NCAM1: variants seen among roughly 807,000 people sequenced by gnomAD.
NCAM1 encodes the protein neural cell adhesion molecule 1.
In NCAM1, 14 loss-of-function variants were observed where a neutral mutation model predicts 109.8. That is an observed-to-expected ratio of 0.13 (90% CI 0.08 to 0.20). The LOEUF (loss-of-function observed/expected upper bound fraction) is 0.20. NCAM1 is among the 10% of genes least tolerant of loss of function. The pLI, the probability that NCAM1 is intolerant of heterozygous loss-of-function variation, is 1.00. For synonymous variants in NCAM1, 418 were observed against 442.9 expected, an observed-to-expected ratio of 0.94 and a Z score of 0.70; for missense variants, 774 against 1,109.9, an observed-to-expected ratio of 0.70 and a Z score of 4.30.
At chr11:113,076,162 C>G (rs926200668) in intron 1 of NCAM1, among the ~76,000 whole-genome samples, 1 of 84,980 alleles carries the variant, frequency 1.2e-5, no homozygotes, top group Non-Finnish European at 2.2e-5. Context: ...AACTCAGTGT[C>G]CCTGGTCAGA....
chr11:113,260,132 G>T lies in NCAM1; in HGVS notation c.1954-14G>T. ...TTGGTCTCTTGTATCCTTCTTGCCG[G>T]TTTCTCCCAGAAGCTCTCCTCCGAG... On this transcript the variant is annotated splice_polypyrimidine_tract_variant and intron_variant, in intron 16 of 19. Coordinates refer to ENST00000316851, the MANE Select transcript of NCAM1 (RefSeq NM_181351.5). 6.2e-7 allele frequency: 1 copy of T among 1,602,512 alleles called. No individual in the cohort carries two copies. The highest frequency in any genetic ancestry group is 8.5e-7 in the Non-Finnish European group (1 of 1,176,144).
At position 112,994,843 on chromosome 11, in the gene NCAM1, CTTTG is replaced by C. The variant is rs1400740229; in HGVS notation, c.52+33185_52+33188del. 3.9e-5 allele frequency among the ~76,000 whole-genome samples: 6 copies of C among 152,094 alleles called. No individual in the cohort carries two copies. In the East Asian group the frequency reaches 9.6e-4, roughly 24 times the overall value. ...CCTGCTTTTGTAGAAATCTTGTAATCTTTGTTTGTCAATGGTTCTTCTTCCATTC... is the reference window on the plus strand; with the variant it reads ...CCTGCTTTTGTAGAAATCTTGTAATCTTTGTCAATGGTTCTTCTTCCATTC... On this transcript the variant is annotated intron_variant, in intron 1 of 19. Coordinates refer to ENST00000316851, the MANE Select transcript of NCAM1 (RefSeq NM_181351.5).
chr11:113,179,619 ACTGT>A (rs1943268995), intron 1 of NCAM1, among the ~76,000 whole-genome samples: 1 of 152,142 alleles, frequency 6.6e-6, no homozygotes, highest in Non-Finnish European at 1.5e-5. Context: ...ACACTGCCAG[ACTGT>A]CTTTGTGTGC....
At chr11:113,088,562 A>G (rs1347943935) in intron 1 of NCAM1, among the ~76,000 whole-genome samples, 1 of 151,996 alleles carries the variant, frequency 6.6e-6, no homozygotes, top group Non-Finnish European at 1.5e-5. Flanking sequence ...ATCATTGGGT[A>G]AAACACTAGT....
In NCAM1 at chr11:112,961,560, G is replaced by GT. The variant is rs782517564; in HGVS notation, c.-53_-52insT. ...CGCCGTCCACACTCGCTGCAGGGGG[G>GT]GGGGCACAGAATTTACCGCGGCAAG... On this transcript the variant is annotated 5_prime_UTR_variant, in exon 1 of 20. Coordinates refer to ENST00000316851, the MANE Select transcript of NCAM1 (RefSeq NM_181351.5). 2.1e-5 allele frequency: 24 copies of GT among 1,144,658 alleles called. No homozygotes were observed. Among genetic ancestry groups the GT allele is most frequent in the East Asian group, 9.4e-5 (4 of 42,700 alleles). 70.9% of individuals were successfully genotyped at this position (1,144,658 alleles called of 1,614,324 possible).
intron 17 of NCAM1, among the ~76,000 whole-genome samples, chr11:113,268,655 G>C (rs986814178): frequency 6.6e-6 from 1 of 152,160 alleles, no homozygotes; most frequent in Admixed American, 6.5e-5. Context: ...GAGACCCCTG[G>C]GGCACACAGA....
At chr11:113,192,429 G>A (rs1375774246) in intron 1 of NCAM1, among the ~76,000 whole-genome samples, 1 of 151,990 alleles carries the variant, frequency 6.6e-6, no homozygotes, top group Non-Finnish European at 1.5e-5. Context: ...AGGAAAGGTG[G>A]CCTGAAAAGG....
intron 1 of NCAM1, among the ~76,000 whole-genome samples, chr11:113,147,222 A>G (rs1591366053): frequency 6.6e-6 from 1 of 152,344 alleles, no homozygotes; most frequent in East Asian, 1.9e-4. Context: ...TTCCTTACTA[A>G]AGACGATGCC....
chr11:113,258,482 A>G (rs1253880732), intron 16 of NCAM1, among the ~76,000 whole-genome samples: 1 of 152,224 alleles, frequency 6.6e-6, no homozygotes, highest in East Asian at 1.9e-4. Flanking sequence ...GCTCCCTACT[A>G]TAGAAGGGAA....
chr11:113,006,976 C>T (rs1951908137), intron 1 of NCAM1, among the ~76,000 whole-genome samples: 1 of 152,206 alleles, frequency 6.6e-6, no homozygotes, highest in African/African-American at 2.4e-5. Context: ...AAATTAGCCA[C>T]TATGAAAGAA....
At chr11:113,091,269 C>T (rs1005030132) in intron 1 of NCAM1, among the ~76,000 whole-genome samples, 15 of 151,862 alleles carry the variant, frequency 9.9e-5, no homozygotes, top group Non-Finnish European at 4.4e-5. Flanking sequence ...TTTTATCATA[C>T]CCTGCTGCCT....
At chr11:112,985,506 G>C (rs147629307) in intron 1 of NCAM1, among the ~76,000 whole-genome samples, 22 of 151,934 alleles carry the variant, frequency 1.4e-4, no homozygotes, top group African/African-American at 5.3e-4. Context: ...TGGTAGTATG[G>C]ACATTTTAAC....
intron 1 of NCAM1, among the ~76,000 whole-genome samples, chr11:113,123,396 T>C (rs1184584816): frequency 2.0e-5 from 3 of 152,194 alleles, no homozygotes; most frequent in Non-Finnish European, 4.4e-5. Flanking sequence ...AGGGGGTGCT[T>C]ACTCTTTCCA....
chr11:113,052,874 C>T (rs1555082007), intron 1 of NCAM1, among the ~76,000 whole-genome samples: 3 of 152,118 alleles, frequency 2.0e-5, no homozygotes, highest in Non-Finnish European at 2.9e-5. Flanking sequence ...CGACAGGGCC[C>T]GGTGTGTATT....
intron 14 of NCAM1, among the ~76,000 whole-genome samples, chr11:113,237,031 A>G (rs1218980644): frequency 6.6e-6 from 1 of 152,242 alleles, no homozygotes; most frequent in East Asian, 1.9e-4. Context: ...GGGGAAGACT[A>G]ACCAGCTAAT....
intron 1 of NCAM1, among the ~76,000 whole-genome samples, chr11:113,193,412 G>T (rs188759187): frequency 6.6e-6 from 1 of 152,196 alleles, no homozygotes; most frequent in Non-Finnish European, 1.5e-5. Context: ...TCGAGAGGCC[G>T]AGGCGGTTGG....
intron 1 of NCAM1, among the ~76,000 whole-genome samples, chr11:112,978,689 G>T (rs1951071049): frequency 6.6e-6 from 1 of 151,720 alleles, no homozygotes; most frequent in Non-Finnish European, 1.5e-5. Context: ...TGTTACTTTG[G>T]ACTGGTTTAA....
At chr11:113,000,850 AC>A (rs1272784448) in intron 1 of NCAM1, among the ~76,000 whole-genome samples, 9,106 of 25,686 alleles carry the variant, frequency 0.35, 313 homozygotes, top group Non-Finnish European at 0.4. Context: ...ATATATATAC[AC>A]AAAAAATATA....
chr11:113,202,543 G>C, intron 2 of NCAM1, 90 bp downstream of exon 2: 1 of 1,145,962 alleles, frequency 8.7e-7, no homozygotes. Flanking sequence ...GAGCTGGCTG[G>C]TCAAGCCACA....
Sources: gnomAD v4.1 joint callset for allele counts (sites outside exome capture counted in the v4.1 genomes callset) on GRCh38, gnomAD v4.1.1 for gene constraint, MANE v1.5 for transcripts, NCBI Gene and HGNC (gene_info 2026-07-23, HGNC 2026-07-21) for gene names.